NFIA: variants seen among roughly 807,000 people sequenced by gnomAD.
NFIA encodes the protein nuclear factor 1 A-type.
NFIA carries 8 observed loss-of-function variants against 62.8 expected under a neutral mutation model. That is an observed-to-expected ratio of 0.13 (90% CI 0.07 to 0.23). The LOEUF is 0.23. Among genes scored for constraint, NFIA ranks in the 10% least tolerant of loss-of-function variants. The pLI is 1.00. For synonymous variants in NFIA, 235 were observed against 238.1 expected (o/e 0.99, Z 0.12); for missense variants, 410 against 642.1 (o/e 0.64, Z 3.91).
At chr1:61,175,234 C>A (rs1371860865) in intron 2 of NFIA, among the ~76,000 whole-genome samples, 1 of 152,026 alleles carries the variant, frequency 6.6e-6, no homozygotes, top group African/African-American at 2.4e-5. Context: ...TTGTGCCTCC[C>A]AGGCTCAAGT....
At chr1:61,127,906 C>G (rs181337020) in intron 2 of NFIA, among the ~76,000 whole-genome samples, 6 of 152,246 alleles carry the variant, frequency 3.9e-5, no homozygotes, top group African/African-American at 1.2e-4. Flanking sequence ...AAGAATATCT[C>G]TGTAAGCCCA....
At chr1:61,429,734 C>T (rs1453668242) in intron 10 of NFIA, among the ~76,000 whole-genome samples, 1 of 152,162 alleles carries the variant, frequency 6.6e-6, no homozygotes, top group Non-Finnish European at 1.5e-5. Context: ...TATTACTCAG[C>T]CTTTAAAAGG....
intron 10 of NFIA, among the ~76,000 whole-genome samples, chr1:61,427,091 T>C (rs1166621909): frequency 1.3e-5 from 2 of 152,096 alleles, no homozygotes; most frequent in Non-Finnish European, 2.9e-5. Flanking sequence ...TGCTGACCAC[T>C]GGGGAGCAAG....
intron 3 of NFIA, among the ~76,000 whole-genome samples, chr1:61,295,444 A>C (rs747584246): frequency 3.3e-5 from 5 of 152,168 alleles, no homozygotes; most frequent in African/African-American, 7.2e-5. Context: ...TCATCATCTT[A>C]CTGGGTTCAG....
chr1:61,359,288 C>T lies in NFIA; in HGVS notation c.946+14C>T, dbSNP rs367981044. 1.8e-5 allele frequency: 29 copies of T among 1,611,948 alleles called. No individual in the cohort carries two copies. In the East Asian group the frequency reaches 2.0e-4, roughly 11 times the overall value. On this transcript the variant is annotated intron_variant, in intron 6 of 10. Coordinates refer to ENST00000403491, the MANE Select transcript of NFIA (RefSeq NM_001134673.4). ...AAGTGGAGCCAGGTAAGCAGAGTGG[C>T]GGCACGGGCATGTGGCTAACACTGT...
intron 1 of NFIA, among the ~76,000 whole-genome samples, chr1:61,085,085 T>G (rs1646195576): frequency 6.6e-6 from 1 of 152,124 alleles, no homozygotes. Context: ...GAGCCAGTTT[T>G]AGGAAGAAGA....
intron 2 of NFIA, among the ~76,000 whole-genome samples, chr1:61,216,963 G>T (rs569748734): frequency 6.2e-4 from 94 of 151,740 alleles, no homozygotes; most frequent in African/African-American, 2.3e-3. Context: ...TCACGCCATT[G>T]CACTCCAGCC....
chr1:61,209,962 C>A (rs1199287246), intron 2 of NFIA, among the ~76,000 whole-genome samples: 2 of 152,228 alleles, frequency 1.3e-5, no homozygotes, highest in Non-Finnish European at 2.9e-5. Context: ...ACATTAACAT[C>A]TTGGTATACT....
At chr1:61,279,256 A>G (rs1657991798) in intron 3 of NFIA, among the ~76,000 whole-genome samples, 2 of 152,164 alleles carry the variant, frequency 1.3e-5, no homozygotes, top group African/African-American at 4.8e-5. Flanking sequence ...ATTTTTCAGA[A>G]TATGTTTCAT....
chr1:61,178,726 C>T (rs975808940), intron 2 of NFIA, among the ~76,000 whole-genome samples: 2 of 152,130 alleles, frequency 1.3e-5, no homozygotes, highest in Admixed American at 6.5e-5. Context: ...TGCAGTGGAC[C>T]CCGAAGCCAG....
chr1:61,424,019 AC>A (rs1412207803), intron 9 of NFIA, among the ~76,000 whole-genome samples: 1 of 151,760 alleles, frequency 6.6e-6, no homozygotes, highest in Non-Finnish European at 1.5e-5. Context: ...ATAAATGCAA[AC>A]CCCCTAGCAC....
chr1:61,322,788 T>C (rs1336319914), intron 3 of NFIA, among the ~76,000 whole-genome samples: 1 of 152,204 alleles, frequency 6.6e-6, no homozygotes, highest in Non-Finnish European at 1.5e-5. Context: ...AAAATCTTGC[T>C]GTAAATATCT....
chr1:61,125,333 C>T (rs1207381425), intron 2 of NFIA: 1 of 152,200 alleles, frequency 6.6e-6, no homozygotes, highest in Non-Finnish European at 1.5e-5. Flanking sequence ...TAGCCCTTTG[C>T]TTTTGTCCCG....
chr1:61,131,306 A>G (rs1359375553), intron 2 of NFIA, among the ~76,000 whole-genome samples: 1 of 152,204 alleles, frequency 6.6e-6, no homozygotes, highest in African/African-American at 2.4e-5. Flanking sequence ...ACAAAAGATC[A>G]ATTAATGTTA....
intron 2 of NFIA, among the ~76,000 whole-genome samples, chr1:61,112,252 T>C (rs1002113730): frequency 6.6e-6 from 1 of 152,138 alleles, no homozygotes; most frequent in Non-Finnish European, 1.5e-5. Context: ...CTCTATTCTT[T>C]TTAGAATCCT....
intron 2 of NFIA, among the ~76,000 whole-genome samples, chr1:61,184,488 GTC>G (rs768573558): frequency 1.1e-4 from 16 of 152,242 alleles, no homozygotes; most frequent in Non-Finnish European, 1.6e-4. Context: ...TAGGTAAAAA[GTC>G]TCTGAGCACT....
chr1:61,198,623 G>T (rs1367781373), intron 2 of NFIA, among the ~76,000 whole-genome samples: 1 of 152,276 alleles, frequency 6.6e-6, no homozygotes, highest in Non-Finnish European at 1.5e-5. Context: ...CTGAATTGCA[G>T]TCGTGGTCCT....
At chr1:61,348,494 A>G (rs1359127853) in intron 4 of NFIA, among the ~76,000 whole-genome samples, 3 of 152,330 alleles carry the variant, frequency 2.0e-5, no homozygotes, top group South Asian at 2.1e-4. Context: ...GCCATTTGCC[A>G]CATTACAATT....
chr1:61,420,559 T>G (rs1472517023), intron 9 of NFIA, among the ~76,000 whole-genome samples: 1 of 152,206 alleles, frequency 6.6e-6, no homozygotes, highest in Non-Finnish European at 1.5e-5. Context: ...AGGGTTCTGT[T>G]TAAGTCTATA....
Sources: gnomAD v4.1 joint callset for allele counts (sites outside exome capture counted in the v4.1 genomes callset) on GRCh38, gnomAD v4.1.1 for gene constraint, MANE v1.5 for transcripts, NCBI Gene and HGNC (gene_info 2026-07-23, HGNC 2026-07-21) for gene names.